The following SMCHD1 variants were observed in gnomAD, a reference collection of about 807,000 sequenced individuals.
The protein encoded by SMCHD1 is structural maintenance of chromosomes flexible hinge domain-containing protein 1.
SMCHD1 carries 78 observed loss-of-function variants against 254.7 expected under a neutral mutation model. The observed-to-expected ratio is 0.31, with a 90% CI of 0.26 to 0.37. The LOEUF (loss-of-function observed/expected upper bound fraction) is 0.37. SMCHD1 is among the 10% of genes least tolerant of loss of function. The pLI is 1.00. For missense variants in SMCHD1, 1,840 were observed against 2,408.1 expected, an observed-to-expected ratio of 0.76 and a Z score of 4.94; for synonymous variants, 766 against 794.9, an observed-to-expected ratio of 0.96 and a Z score of 0.61.
chr18:2,784,905 A>C, intron 45 of SMCHD1: 1 of 472,950 alleles, frequency 2.1e-6, no homozygotes, highest in South Asian at 1.6e-5. Context: ...TGAGCCCAGG[A>C]GTTTGAGGTC....
intron 34 of SMCHD1, among the ~76,000 whole-genome samples, chr18:2,756,814 CTA>C (rs1451730337): frequency 6.6e-6 from 1 of 152,076 alleles, no homozygotes. Flanking sequence ...GGCTGTCAGA[CTA>C]TTAATTTTAT....
At chr18:2,744,046 A>ACTTC in intron 29 of SMCHD1, 118 bp downstream of exon 29, 2 of 868,914 alleles carry the variant, frequency 2.3e-6, no homozygotes, top group Non-Finnish European at 3.3e-6. Context: ...AACAGTTGTT[A>ACTTC]ACAGTAAAAA....
rs370875526 is a variant in SMCHD1, at chr18:2,755,568, T to TCTTTC, written c.4346+3016_4346+3017insCTTTC. 3.3e-3 allele frequency among the ~76,000 whole-genome samples: 427 copies of TCTTTC among 128,730 alleles called. 1 individual carries two copies. Among genetic ancestry groups the TCTTTC allele is most frequent in the Non-Finnish European group, 4.3e-3 (263 of 61,376 alleles). The allele number at this position is 128,730 out of a possible 152,430, so 84.5% of individuals were successfully genotyped here. On this transcript the variant is annotated intron_variant, in intron 34 of 47. Coordinates refer to ENST00000320876, the MANE Select transcript of SMCHD1 (RefSeq NM_015295.3). Reference sequence around the variant, plus strand: ...TGTATTTTCTTTTTCTTTCTTTCTTTTTTTTTTTTTTTTTTTTGAGATGGA... The same window carrying TCTTTC: ...TGTATTTTCTTTTTCTTTCTTTCTTTCTTTCTTTTTTTTTTTTTTTTTGAGATGGA...
chr18:2,785,020 T>C (rs1394881456), intron 45 of SMCHD1: 3 of 316,638 alleles, frequency 9.5e-6, no homozygotes, highest in Non-Finnish European at 1.8e-5. Context: ...ATAATACTTA[T>C]TTCTATCTTG....
chr18:2,678,197 G>A (rs1172669242), intron 5 of SMCHD1, among the ~76,000 whole-genome samples: 3 of 148,804 alleles, frequency 2.0e-5, no homozygotes, highest in Non-Finnish European at 4.5e-5. Context: ...CATTTATACT[G>A]TCTTTTCTTT....
In SMCHD1 at chr18:2,759,034, T is replaced by C. The variant is rs145483105; in HGVS notation, c.4347-1618T>C. Among the ~76,000 whole-genome samples, 142 of 152,274 alleles carry C rather than the reference T, an allele frequency of 9.3e-4. No individual in the cohort carries two copies. The East Asian group carries it at 0.016, about 17-fold the overall frequency. ...TTAAGTCCCTCCTTCAGTTGCCAAT[T>C]TCTGTTTGACGTTTTCAGTTAATCA... On this transcript the variant is annotated intron_variant, in intron 34 of 47. Transcript: ENST00000320876.
At position 2,743,868 on chromosome 18, in the gene SMCHD1, G is replaced by A. The variant is rs1258388117; in HGVS notation, c.3741G>A (p.Val1247=). 6.2e-7 allele frequency: 1 copy of A among 1,613,172 alleles called. No individual in the cohort carries two copies. The highest frequency in any genetic ancestry group is 8.5e-7 in the Non-Finnish European group (1 of 1,179,538). ...GTGAGTTTTCTGACTTTATTCGAGT[G>A]CAACTAATTTCTGGACCTCCTGCTA... The part of the protein sequence containing the change: ...TWREFSDFIR[V]QLISGPPAKL... The change falls in exon 29 of 48, where the codon GTG becomes GTA. Residue 1247 remains valine, a synonymous_variant. Transcript: ENST00000320876.
chr18:2,729,526 T>A (rs1400775198), intron 24 of SMCHD1, 117 bp downstream of exon 24: 3 of 681,074 alleles, frequency 4.4e-6, no homozygotes, highest in Non-Finnish European at 6.7e-6. Context: ...TATTTGTGGT[T>A]CTTTCAGCCA....
intron 32 of SMCHD1, 64 bp downstream of exon 32, chr18:2,750,571 A>C (rs2075552322): frequency 7.3e-7 from 1 of 1,370,542 alleles, no homozygotes; most frequent in South Asian, 1.4e-5. Flanking sequence ...TAGTGGAATA[A>C]ATTACTTATC....
rs768517335 is a variant in SMCHD1 at position 2,769,990 on chromosome 18, T to C, written c.4848T>C (p.Asp1616=). 2 of 1,580,144 alleles carry C rather than the reference T, an allele frequency of 1.3e-6. No homozygotes were observed. Among genetic ancestry groups the C allele is most frequent in the East Asian group, 2.2e-5 (1 of 44,528 alleles). ...PYILPFMFYN[D]VKKQQQMAAL... is the part of the protein sequence containing the mutation. ...AATTATCTCAATTTTTTTTCTTAGA[T>C]GTTAAGAAGCAGCAACAAATGGCAG... The change falls in exon 39 of 48, where the codon GAT becomes GAC. Residue 1616 remains aspartate (D), a splice_region_variant and synonymous_variant. Transcript: ENST00000320876.
At chr18:2,763,483 T>A (rs1328181126) in intron 36 of SMCHD1, among the ~76,000 whole-genome samples, 154 bp from the exon 37 acceptor site, 1 of 152,224 alleles carries the variant, frequency 6.6e-6, no homozygotes, top group East Asian at 1.9e-4. Flanking sequence ...TGTGGAACAC[T>A]CAAACTTAGA....
intron 34 of SMCHD1, among the ~76,000 whole-genome samples, chr18:2,758,673 A>G (rs1158830976): frequency 6.6e-6 from 1 of 152,124 alleles, no homozygotes; most frequent in Non-Finnish European, 1.5e-5. Flanking sequence ...TTTACTGCAT[A>G]TGGTATTCAA....
intron 26 of SMCHD1, 125 bp from the exon 27 acceptor site, chr18:2,739,307 T>C (rs1412663775): frequency 1.5e-6 from 1 of 686,716 alleles, no homozygotes; most frequent in African/African-American, 1.8e-5. Flanking sequence ...AACAGTTATT[T>C]GAAGGAGTGT....
At chr18:2,743,718 A>C in intron 28 of SMCHD1, 43 bp from the exon 29 acceptor site, 9 of 1,459,080 alleles carry the variant, frequency 6.2e-6, no homozygotes, top group Non-Finnish European at 8.3e-6. Flanking sequence ...TCTGAACACT[A>C]AGTGATACCC....
At chr18:2,788,625 GAC>G (rs1384876378) in intron 45 of SMCHD1, among the ~76,000 whole-genome samples, 1 of 151,722 alleles carries the variant, frequency 6.6e-6, no homozygotes, top group Non-Finnish European at 1.5e-5. Flanking sequence ...TACTTTTTGA[GAC>G]AGAGTCTCGC....
At chr18:2,739,651 A>G (rs190581893) in intron 27 of SMCHD1, 131 bp downstream of exon 27, 38 of 630,648 alleles carry the variant, frequency 6.0e-5, no homozygotes, top group African/African-American at 3.7e-4. Context: ...TATAAAATCT[A>G]TTGTCAGATA....
At position 2,762,091 on chromosome 18, in the gene SMCHD1, T is replaced by A; in HGVS notation, c.4435-14T>A. The A allele has an allele frequency of 6.2e-7, 1 of 1,611,362 alleles. No homozygotes were observed. Among genetic ancestry groups the A allele is most frequent in the Non-Finnish European group, 8.5e-7 (1 of 1,178,040 alleles). Reference sequence around the variant, plus strand: ...AATATATTGTTAATCAGAATGTCTCTTTTGTTTTGTAAGGTTATAGTTGAA... The same window carrying A: ...AATATATTGTTAATCAGAATGTCTCATTTGTTTTGTAAGGTTATAGTTGAA... On this transcript the variant is annotated splice_polypyrimidine_tract_variant and intron_variant, in intron 35 of 47. Transcript: ENST00000320876.
chr18:2,731,052 G>A (rs117153238), intron 24 of SMCHD1, among the ~76,000 whole-genome samples: 2,796 of 152,258 alleles, frequency 0.018, 42 homozygotes, highest in Middle Eastern at 0.1. Context: ...AAATGCCAAC[G>A]TAAATCCTCT....
chr18:2,726,308 G>GT, intron 21 of SMCHD1, 144 bp from the exon 22 acceptor site: 1 of 426,322 alleles, frequency 2.3e-6, no homozygotes, highest in Non-Finnish European at 4.1e-6. Flanking sequence ...CTCCATATAT[G>GT]ATAATTTTAG....
Sources: gnomAD v4.1 joint callset for allele counts (sites outside exome capture counted in the v4.1 genomes callset) on GRCh38, gnomAD v4.1.1 for gene constraint, MANE v1.5 for transcripts, NCBI Gene and HGNC (gene_info 2026-07-23, HGNC 2026-07-21) for gene names.